The following ESR1 variants were observed in gnomAD, a reference collection of about 807,000 sequenced individuals.
The protein encoded by ESR1 is estrogen receptor 1, also known as estrogen receptor.
Under a neutral mutation model 52.7 loss-of-function variants are expected in ESR1, and 12 were observed. That is an observed-to-expected ratio of 0.23 (90% CI 0.15 to 0.37). ESR1 has a LOEUF of 0.37. Ranked by LOEUF, ESR1 falls within the 10% of genes least tolerant of loss-of-function variation. The pLI, the probability that ESR1 is intolerant of heterozygous loss-of-function variation, is 1.00. For missense variants in ESR1, 584 were observed against 779.7 expected, an observed-to-expected ratio of 0.75 and a Z score of 2.99; for synonymous variants, 305 against 316.8, an observed-to-expected ratio of 0.96 and a Z score of 0.39.
intron 4 of ESR1, among the ~76,000 whole-genome samples, chr6:151,952,675 T>C (rs2036454297): frequency 6.6e-6 from 1 of 152,198 alleles, no homozygotes; most frequent in African/African-American, 2.4e-5. Context: ...TCTTAATTAT[T>C]TTCTTGTTTC....
intron 4 of ESR1, among the ~76,000 whole-genome samples, chr6:152,005,429 A>G (rs1040336041): frequency 1.3e-5 from 2 of 152,060 alleles, no homozygotes; most frequent in Non-Finnish European, 1.5e-5. Context: ...AAAATACAAC[A>G]TGACATCATG....
In ESR1 at chr6:152,071,232, A is replaced by ACC. The variant is rs2048331625; in HGVS notation, c.1369+10108_1369+10109insCC. Among the ~76,000 whole-genome samples, 5 of 152,084 alleles carry ACC rather than the reference A, an allele frequency of 3.3e-5. No individual in the cohort carries two copies. In the South Asian group the frequency reaches 1.0e-3, roughly 31 times the overall value. ...TGGTAAAGACAGATATAACAAGAAA[A>ACC]TTATTCTTTTTAAATATAAAATTGT... On this transcript the variant is annotated intron_variant, in intron 6 of 7. Transcript: ENST00000206249.
chr6:151,953,876 GT>G (rs2036604912), intron 4 of ESR1, among the ~76,000 whole-genome samples: 1 of 152,026 alleles, frequency 6.6e-6, no homozygotes, highest in South Asian at 2.1e-4. Flanking sequence ...CCACTTTTAT[GT>G]TATTGCCTTC....
chr6:151,707,751 A>G (rs1224438153), intron 2 of ESR1, among the ~76,000 whole-genome samples: 1 of 152,022 alleles, frequency 6.6e-6, no homozygotes, highest in African/African-American at 2.4e-5. Flanking sequence ...ACATGATTGT[A>G]TTGTAGAAGT....
chr6:151,949,715 C>T (rs890834086), intron 4 of ESR1, among the ~76,000 whole-genome samples: 3 of 152,216 alleles, frequency 2.0e-5, no homozygotes, highest in African/African-American at 4.8e-5. Context: ...CTACTGCTCC[C>T]GTGGAAGCTC....
At chr6:151,897,821 T>C (rs1406360915) in intron 3 of ESR1, among the ~76,000 whole-genome samples, 1 of 152,240 alleles carries the variant, frequency 6.6e-6, no homozygotes, top group Non-Finnish European at 1.5e-5. Context: ...TTTTGATGTG[T>C]TTCCAGCATT....
At chr6:151,687,356 G>A (rs1778730499), upstream of ESR1, among the ~76,000 whole-genome samples, 1 of 152,182 alleles carries the variant, frequency 6.6e-6, no homozygotes, top group South Asian at 2.1e-4. Flanking sequence ...GGTAAGCAGA[G>A]TTTCAATTTT....
chr6:152,011,888 G>A (rs2128780555), intron 5 of ESR1, 94 bp downstream of exon 5: 1 of 1,404,920 alleles, frequency 7.1e-7, no homozygotes, highest in Non-Finnish European at 9.9e-7. Flanking sequence ...TGAAGCTTCA[G>A]AGAACTTTAT....
intron 1 of ESR1, among the ~76,000 whole-genome samples, chr6:151,815,452 G>A (rs777438493): frequency 8.5e-5 from 13 of 152,166 alleles, no homozygotes; most frequent in South Asian, 2.1e-4. Flanking sequence ...GTGAAAGCCC[G>A]GAGAAGCTGT....
intron 6 of ESR1, among the ~76,000 whole-genome samples, chr6:152,087,336 C>T (rs1210638045): frequency 6.6e-6 from 1 of 152,162 alleles, no homozygotes; most frequent in Non-Finnish European, 1.5e-5. Context: ...GTATACAAAA[C>T]ATTCCTCTGT....
At chr6:152,122,597 G>C in intron 6 of ESR1, 1 of 1,614,196 alleles carries the variant, frequency 6.2e-7, no homozygotes, top group Non-Finnish European at 8.5e-7. Context: ...GCTGCTCGGA[G>C]GACTCTGAAC....
intron 2 of ESR1, among the ~76,000 whole-genome samples, chr6:151,706,847 C>T (rs1359980917): frequency 1.3e-5 from 2 of 152,152 alleles, no homozygotes; most frequent in African/African-American, 4.8e-5. Context: ...AAAAAAACAG[C>T]TTTACTGGTT....
chr6:151,894,031 G>A (rs771420987), intron 3 of ESR1, among the ~76,000 whole-genome samples: 29 of 152,182 alleles, frequency 1.9e-4, no homozygotes, highest in Non-Finnish European at 3.4e-4. Flanking sequence ...AGAAATGTTC[G>A]CTTTTCACTA....
At chr6:151,920,749 G>A (rs1182529397) in intron 3 of ESR1, among the ~76,000 whole-genome samples, 1 of 151,994 alleles carries the variant, frequency 6.6e-6, no homozygotes, top group Non-Finnish European at 1.5e-5. Context: ...GAGGTTAAGT[G>A]TGATTGTCAT....
intron 5 of ESR1, among the ~76,000 whole-genome samples, chr6:152,016,576 A>G (rs905123587): frequency 1.3e-5 from 2 of 152,186 alleles, no homozygotes; most frequent in South Asian, 4.1e-4. Flanking sequence ...TACTTGTAGA[A>G]GATGGCTTCT....
chr6:151,912,563 T>G (rs1242378943), intron 3 of ESR1, among the ~76,000 whole-genome samples: 1 of 152,202 alleles, frequency 6.6e-6, no homozygotes, highest in Admixed American at 6.5e-5. Context: ...GTAATTACCT[T>G]GTACTATGAT....
At chr6:151,784,716 A>G (rs1024197550) in intron 2 of ESR1, among the ~76,000 whole-genome samples, 17 of 152,340 alleles carry the variant, frequency 1.1e-4, no homozygotes, top group Non-Finnish European at 1.8e-4. Context: ...TCCAGCTGCC[A>G]GGACTTACTT....
At chr6:151,926,072 G>T (rs572286113) in intron 3 of ESR1, among the ~76,000 whole-genome samples, 1 of 152,174 alleles carries the variant, frequency 6.6e-6, no homozygotes, top group African/African-American at 2.4e-5. Context: ...AGGGTAATCA[G>T]CGCAATATTT....
chr6:152,030,707 C>A (rs2044616735), intron 5 of ESR1, among the ~76,000 whole-genome samples: 1 of 152,198 alleles, frequency 6.6e-6, no homozygotes, highest in Non-Finnish European at 1.5e-5. Context: ...TAACATCCCA[C>A]TGTCAACATT....
Sources: allele counts gnomAD v4.1 joint callset (sites outside exome capture counted in the v4.1 genomes callset), GRCh38; gene constraint gnomAD v4.1.1; transcripts MANE v1.5; gene names NCBI Gene and HGNC (gene_info 2026-07-23, HGNC 2026-07-21).